Variants in PSG5 observed in about 807,000 individuals in gnomAD.
The protein encoded by PSG5 is pregnancy specific beta-1-glycoprotein 5.
In PSG5, 53 loss-of-function variants were observed where a neutral mutation model predicts 37.7. That is an observed-to-expected ratio of 1.41 (90% CI 1.13 to 1.77). The LOEUF (loss-of-function observed/expected upper bound fraction) is 1.77, where lower values mean the gene tolerates loss of function less well. PSG5 is among the 40% of genes most tolerant of loss of function. PSG5 has a pLI of 0.00. For missense variants in PSG5, 547 were observed against 405.2 expected (o/e 1.35, Z -3.00); for synonymous variants, 221 against 155.4 (o/e 1.42, Z -3.14).
At chr19:43,175,609 C>A in intron 3 of PSG5, 140 bp from the exon 4 acceptor site, 4 of 1,438,966 alleles carry the variant, frequency 2.8e-6, no homozygotes, top group Non-Finnish European at 9.4e-7. Context: ...TTCACTGAGC[C>A]AAAGCCTGAG....
rs549269486 is a variant in PSG5, at chr19:43,175,229, G to C, written c.950C>G (p.Thr317Arg). 3.2e-5 allele frequency: 52 copies of C among 1,612,708 alleles called. 4 individuals carry two copies. In the Admixed American group the frequency reaches 7.8e-4, roughly 24 times the overall value. ...ATGKESSKSM[T>R]VEVSAPSGIG... ...GATCCACTTACCAGAGACTTCGACT[G>C]TCATGGATTTGGAGCTTTCCTTGCC... Residue 317 changes from threonine to arginine, a missense_variant, in exon 4 of 6, where the codon ACA becomes AGA. Transcript: ENST00000342951.
At chr19:43,170,788 A>G (rs1968889698) in intron 4 of PSG5, 1 of 154,048 alleles carries the variant, frequency 6.5e-6, no homozygotes, top group African/African-American at 2.4e-5. Flanking sequence ...GTTCTCCCAT[A>G]CTGCCTTCAT....
Position 43,168,103 on chromosome 19 carries a change from A to G in PSG5, c.*141T>C. 2.2e-6 allele frequency: 1 copy of G among 446,620 alleles called. No individual in the cohort carries two copies. The allele number at this position is 446,620 out of a possible 1,614,324, so 27.7% of individuals were successfully genotyped here. ...TGAAGTTATCAGGAACTTGTATTCA[A>G]GAGTCCTTGTCAGAGTCTTTTCCAT... On this transcript the variant is annotated 3_prime_UTR_variant, in exon 6 of 6. Transcript: ENST00000342951.
intron 2 of PSG5, among the ~76,000 whole-genome samples, chr19:43,181,596 C>G (rs1357155832): frequency 6.6e-6 from 1 of 151,670 alleles, no homozygotes; most frequent in East Asian, 1.9e-4. Flanking sequence ...GTAGCTGGGA[C>G]TACAGGCATC....
In PSG5 at chr19:43,178,229, G is replaced by A. The variant is rs148216871; in HGVS notation, c.431-2081C>T. On this transcript the variant is annotated intron_variant, in intron 2 of 5. Transcript: ENST00000342951. ...AATGCTCCAGGGATCCACTTACCAGGGACTATGATCCTCTTGATTATGAGA... is the reference window on the plus strand; with the variant it reads ...AATGCTCCAGGGATCCACTTACCAGAGACTATGATCCTCTTGATTATGAGA... Among the ~76,000 whole-genome samples, 168 of 151,590 alleles carry A rather than the reference G, an allele frequency of 1.1e-3. 5 individuals carry two copies. The highest frequency in any genetic ancestry group is 0.01 in the Middle Eastern group (3 of 294).
At chr19:43,169,037 C>A (rs1334361450) in intron 5 of PSG5, among the ~76,000 whole-genome samples, 1 of 151,568 alleles carries the variant, frequency 6.6e-6, no homozygotes, top group Non-Finnish European at 1.5e-5. Flanking sequence ...CTCTCCAGAC[C>A]TTTAAACTGG....
chr19:43,184,382 C>T, intron 2 of PSG5, among the ~76,000 whole-genome samples: 1 of 151,628 alleles, frequency 6.6e-6, no homozygotes, highest in Non-Finnish European at 1.5e-5. Context: ...GATTTAGGGA[C>T]AGAGGTCTGG....
chr19:43,177,456 A>G (rs1969034475), intron 2 of PSG5, among the ~76,000 whole-genome samples: 1 of 151,338 alleles, frequency 6.6e-6, no homozygotes, highest in Admixed American at 6.6e-5. Context: ...TCTTTTCAGC[A>G]TCAGATTAGT....
intron 2 of PSG5, among the ~76,000 whole-genome samples, chr19:43,181,717 T>G (rs1441630629): frequency 1.3e-5 from 2 of 151,806 alleles, no homozygotes; most frequent in Non-Finnish European, 2.9e-5. Context: ...CCTCCCAAAG[T>G]CCTGGGATTA....
intron 5 of PSG5, among the ~76,000 whole-genome samples, chr19:43,168,813 A>T (rs1296859464): frequency 1.3e-5 from 2 of 151,670 alleles, no homozygotes; most frequent in African/African-American, 4.9e-5. Context: ...GTTTCTCAAG[A>T]GGATTACTGA....
At position 43,186,309 on chromosome 19, in the gene PSG5, C is replaced by T. The variant is rs376565960; in HGVS notation, c.64+33G>A. 1.6e-5 allele frequency: 26 copies of T among 1,610,752 alleles called. 1 individual carries two copies. In the African/African-American group the frequency reaches 2.0e-4, roughly 12 times the overall value. The stretch of plus-strand genomic sequence containing the variant: ...CCCAATCCAGTCACTCTTCTTCCTC[C>T]TCCTGTCCTCTCCCAGGAAGTTCTC... On this transcript the variant is annotated intron_variant, in intron 1 of 5. Coordinates refer to ENST00000342951, the MANE Select transcript of PSG5 (RefSeq NM_002781.4).
At chr19:43,186,262 GA>G in intron 1 of PSG5, 79 bp downstream of exon 1, 1 of 1,596,982 alleles carries the variant, frequency 6.3e-7, no homozygotes. Context: ...TTATTTTTTA[GA>G]ACCCCATCCT....
Position 43,175,085 on chromosome 19 carries a change from A to C in PSG5, c.964+130T>G, listed in dbSNP as rs1968976739. 5.7e-6 allele frequency: 9 copies of C among 1,588,200 alleles called. No homozygotes were observed. The Admixed American group carries it at 1.6e-4, about 27-fold the overall frequency. On this transcript the variant is annotated intron_variant, in intron 4 of 5. Coordinates refer to ENST00000342951, the MANE Select transcript of PSG5 (RefSeq NM_002781.4). ...TAGAGACAAATTGGAAGGGTTCAGGAGGAGAATTTGGGATTTGCTTGTGCC... is the reference window on the plus strand; with the variant it reads ...TAGAGACAAATTGGAAGGGTTCAGGCGGAGAATTTGGGATTTGCTTGTGCC...
At chr19:43,182,568 C>G (rs535840801) in intron 2 of PSG5, among the ~76,000 whole-genome samples, 1 of 151,218 alleles carries the variant, frequency 6.6e-6, no homozygotes, top group Non-Finnish European at 1.5e-5. Flanking sequence ...GTCCTGTGCC[C>G]CTGAAACTAT....
At chr19:43,174,304 A>G (rs1381282611) in intron 4 of PSG5, 3 of 394,566 alleles carry the variant, frequency 7.6e-6, no homozygotes, top group Admixed American at 6.5e-5. Flanking sequence ...GTTACACAAC[A>G]CTAAATTGCA....
chr19:43,174,903 A>G lies in PSG5; in HGVS notation c.964+312T>C. 4 of 1,228,682 alleles carry G rather than the reference A, an allele frequency of 3.3e-6. No individual in the cohort carries two copies. The East Asian group carries it at 1.0e-4, about 32-fold the overall frequency. The allele number at this position is 1,228,682 out of a possible 1,614,324, so 76.1% of individuals were successfully genotyped here. A position where few individuals can be genotyped will look rare whatever the true frequency, so the allele number is the denominator to read the frequency against. On this transcript the variant is annotated intron_variant, in intron 4 of 5. Coordinates refer to ENST00000342951, the MANE Select transcript of PSG5 (RefSeq NM_002781.4). ...AGAAGGGGATGTGTTGGTGACATCG[A>G]GAAGCAACTTGATCTTGAGGACTCT...
At chr19:43,168,526 G>A (rs372724430) in intron 5 of PSG5, among the ~76,000 whole-genome samples, 9 of 151,204 alleles carry the variant, frequency 6.0e-5, no homozygotes, top group African/African-American at 1.7e-4. Context: ...CTGCCACCAC[G>A]CCCGGCAAAT....
rs1235622867 is a variant in PSG5 at position 43,176,811 on chromosome 19, G to A, written c.431-663C>T. On this transcript the variant is annotated intron_variant, in intron 2 of 5. Transcript: ENST00000342951. ...CTCTAAAGATAGAGCAGAGTGCAAG[G>A]AATGATCTAGAAGGAGTCAAGGGGA... Among the ~76,000 whole-genome samples the A allele has an allele frequency of 2.7e-5, 4 of 150,648 alleles. 1 individual carries two copies. The highest frequency in any genetic ancestry group is 5.9e-5 in the Non-Finnish European group (4 of 67,694).
At position 43,183,493 on chromosome 19, in the gene PSG5, A is replaced by G. The variant is rs188784121; in HGVS notation, c.430+1289T>C. ...GGGTCTGAGTGGGGAAAGAAAACAA[A>G]GTCCTCTCCTTGATCCTTTCATGAC... On this transcript the variant is annotated intron_variant, in intron 2 of 5. Transcript: ENST00000342951. The G allele has an allele frequency of 2.0e-4, 105 of 528,584 alleles. 1 individual carries two copies. Among genetic ancestry groups the G allele is most frequent in the East Asian group, 8.8e-4 (16 of 18,256 alleles). The allele number at this position is 528,584 out of a possible 1,614,324, so 32.7% of individuals were successfully genotyped here. A position where few individuals can be genotyped will look rare whatever the true frequency, so the allele number is the denominator to read the frequency against.
Sources: gnomAD v4.1 joint callset for allele counts (sites outside exome capture counted in the v4.1 genomes callset) on GRCh38, gnomAD v4.1.1 for gene constraint, MANE v1.5 for transcripts, NCBI Gene and HGNC (gene_info 2026-07-23, HGNC 2026-07-21) for gene names.